The following HIBCH variants were observed in gnomAD, a reference collection of about 807,000 sequenced individuals.
The protein encoded by HIBCH is 3-hydroxyisobutyryl-CoA hydrolase, also known as 3-hydroxyisobutyryl-CoA hydrolase, mitochondrial.
HIBCH carries 50 observed loss-of-function variants against 58.2 expected under a neutral mutation model. That is an observed-to-expected ratio of 0.86 (90% CI 0.68 to 1.09). The LOEUF is 1.09. HIBCH is among the 50% of genes least tolerant of loss of function. HIBCH has a pLI of 0.00. For missense variants in HIBCH, 450 were observed against 449.7 expected (o/e 1.00, Z -0.01); for synonymous variants, 151 against 146.9 (o/e 1.03, Z -0.20).
At chr2:190,232,679 C>T (rs566110830) in intron 11 of HIBCH, among the ~76,000 whole-genome samples, 3 of 152,266 alleles carry the variant, frequency 2.0e-5, no homozygotes, top group East Asian at 3.9e-4. Flanking sequence ...ATAATAGAGG[C>T]CGGGCATGGT....
chr2:190,265,319 T>G (rs1687202561), intron 6 of HIBCH, among the ~76,000 whole-genome samples: 1 of 80,088 alleles, frequency 1.2e-5, no homozygotes, highest in Non-Finnish European at 2.6e-5. Flanking sequence ...AGTATTTCAC[T>G]GAAGTTTTAA....
chr2:190,225,240 G>C (rs1325816199), intron 11 of HIBCH, among the ~76,000 whole-genome samples: 2 of 152,122 alleles, frequency 1.3e-5, no homozygotes, highest in East Asian at 1.9e-4. Context: ...ACATTCAAAA[G>C]CTACCAGAAG....
intron 5 of HIBCH, 139 bp from the exon 6 acceptor site, chr2:190,287,777 T>C: frequency 3.0e-6 from 2 of 656,212 alleles, no homozygotes; most frequent in Non-Finnish European, 5.5e-6. Flanking sequence ...ACTAAATGTA[T>C]GGCTTATAAA....
intron 6 of HIBCH, among the ~76,000 whole-genome samples, chr2:190,271,282 CTTT>C (rs35074167): frequency 1.2e-5 from 1 of 83,784 alleles, no homozygotes. Context: ...CTCTACCCTA[CTTT>C]TTTTTTTTTT....
At chr2:190,213,283 G>A (rs1690556589) in intron 11 of HIBCH, 1 of 539,278 alleles carries the variant, frequency 1.9e-6, no homozygotes, top group Non-Finnish European at 3.3e-6. Flanking sequence ...AATAAATTCT[G>A]TAGCTGTGAC....
chr2:190,199,992 C>T, downstream of HIBCH: 1 of 1,614,020 alleles, frequency 6.2e-7, no homozygotes, highest in South Asian at 1.1e-5. Context: ...CAGTTAATGT[C>T]AAAGAGGAAG....
At chr2:190,221,018 A>G (rs897706641) in intron 11 of HIBCH, among the ~76,000 whole-genome samples, 1 of 152,204 alleles carries the variant, frequency 6.6e-6, no homozygotes, top group South Asian at 2.1e-4. Context: ...ACCTTTTGCT[A>G]TATTTCCTCA....
At chr2:190,295,359 G>A (rs1242994432) in intron 3 of HIBCH, among the ~76,000 whole-genome samples, 1 of 152,144 alleles carries the variant, frequency 6.6e-6, no homozygotes, top group Non-Finnish European at 1.5e-5. Context: ...CCTGGGGATT[G>A]GGAATTCCTT....
At position 190,304,695 on chromosome 2, in the gene HIBCH, A is replaced by T. The variant is rs1688358829; in HGVS notation, c.78+6059T>A. On this transcript the variant is annotated intron_variant, in intron 2 of 13. Transcript: ENST00000359678. The surrounding 1 kb of genome is among the most constrained non-coding windows in gnomAD (Gnocchi z 4.1). ...GGGCTGCCATAACAAAGTACCACAA[A>T]TTAAATGGCTTAAACAACACAAACT... Among the ~76,000 whole-genome samples the T allele has an allele frequency of 6.6e-6, 1 of 152,218 alleles. No individual in the cohort carries two copies. Among genetic ancestry groups the T allele is most frequent in the Non-Finnish European group, 1.5e-5 (1 of 68,034 alleles).
chr2:190,237,917 A>G (rs1407643423), intron 11 of HIBCH, among the ~76,000 whole-genome samples: 1 of 151,590 alleles, frequency 6.6e-6, no homozygotes, highest in Non-Finnish European at 1.5e-5. Flanking sequence ...GAGAACATGC[A>G]GTGTTTGGTT....
In HIBCH at chr2:190,305,298, T is replaced by C. The variant is rs537117052; in HGVS notation, c.78+5456A>G. 2.6e-5 allele frequency among the ~76,000 whole-genome samples: 4 copies of C among 152,266 alleles called. No individual in the cohort carries two copies. In the East Asian group the frequency reaches 7.7e-4, roughly 29 times the overall value. On this transcript the variant is annotated intron_variant, in intron 2 of 13. Coordinates refer to ENST00000359678, the MANE Select transcript of HIBCH (RefSeq NM_014362.4). ...TTGAGTCTGAACAACACAAACTTAT[T>C]GTCTCACAGTTCTGAAGGCTGCAAG...
At chr2:190,226,829 A>G (rs1006112747) in intron 11 of HIBCH, among the ~76,000 whole-genome samples, 3 of 152,182 alleles carry the variant, frequency 2.0e-5, no homozygotes, top group African/African-American at 7.2e-5. Flanking sequence ...CCCATTCACA[A>G]TAGCTTCAAA....
At chr2:190,198,430 C>G (rs140792740) in intron 1 of HIBCH, among the ~76,000 whole-genome samples, 1 of 151,964 alleles carries the variant, frequency 6.6e-6, no homozygotes. Flanking sequence ...CACTTGACCC[C>G]GGGAGTTCAA....
intron 7 of HIBCH, among the ~76,000 whole-genome samples, chr2:190,258,929 C>A (rs543678546): frequency 6.6e-6 from 1 of 152,274 alleles, no homozygotes; most frequent in African/African-American, 2.4e-5. Flanking sequence ...CACTTAACTG[C>A]AAATATATGG....
intron 11 of HIBCH, among the ~76,000 whole-genome samples, chr2:190,232,698 C>T (rs1686140953): frequency 6.6e-6 from 1 of 152,228 alleles, no homozygotes; most frequent in African/African-American, 2.4e-5. Context: ...GTGGCTCACG[C>T]CTGTAATCCC....
intron 4 of HIBCH, among the ~76,000 whole-genome samples, chr2:190,293,109 C>A (rs923443137): frequency 3.9e-5 from 6 of 152,134 alleles, no homozygotes; most frequent in Non-Finnish European, 7.3e-5. Flanking sequence ...CTAATAAACT[C>A]AATACATAAA....
At position 190,256,126 on chromosome 2, in the gene HIBCH, G is replaced by A. The variant is rs113294076; in HGVS notation, c.518-3819C>T. Among the ~76,000 whole-genome samples, 1,011 of 152,220 alleles carry A rather than the reference G, an allele frequency of 6.6e-3. 12 individuals carry two copies. The highest frequency in any genetic ancestry group is 0.022 in the African/African-American group (916 of 41,536). Reference sequence around the variant, plus strand: ...ATGAGAACAGCAAGGGAGACACTGCGTCCATGATCCAATCAGCTCCTACCA... The same window carrying A: ...ATGAGAACAGCAAGGGAGACACTGCATCCATGATCCAATCAGCTCCTACCA... On this transcript the variant is annotated intron_variant, in intron 7 of 13. Coordinates refer to ENST00000359678, the MANE Select transcript of HIBCH (RefSeq NM_014362.4).
chr2:190,269,166 G>C (rs1687320791), intron 6 of HIBCH, among the ~76,000 whole-genome samples: 1 of 152,188 alleles, frequency 6.6e-6, no homozygotes, highest in Admixed American at 6.5e-5. Context: ...TCAGGACATA[G>C]GCATTGGCAA....
chr2:190,205,367 G>A, intron 13 of HIBCH, 135 bp from the exon 14 acceptor site: 4 of 626,362 alleles, frequency 6.4e-6, no homozygotes, highest in Non-Finnish European at 1.1e-5. Context: ...ATTTTTATAT[G>A]TATTCTATTT....
Sources: gnomAD v4.1 joint callset for allele counts (sites outside exome capture counted in the v4.1 genomes callset) on GRCh38, gnomAD v4.1.1 for gene constraint, Gnocchi (gnomAD v3.1) non-coding constraint, MANE v1.5 for transcripts, NCBI Gene and HGNC (gene_info 2026-07-23, HGNC 2026-07-21) for gene names.